Variants in DSC1 observed in about 807,000 individuals in gnomAD.
The protein encoded by DSC1 is desmocollin-1.
A neutral mutation model predicts 98.8 loss-of-function variants in DSC1; 79 were observed. The observed-to-expected ratio is 0.80, with a 90% CI of 0.67 to 0.96. The LOEUF (loss-of-function observed/expected upper bound fraction) is 0.96. Among genes scored for constraint, DSC1 ranks in the 50% least tolerant of loss-of-function variants. The probability of loss-of-function intolerance (pLI) is 0.00; values close to 1 mark genes in which losing one functional copy is unlikely to be tolerated. For synonymous variants in DSC1, 405 were observed against 372.1 expected, an observed-to-expected ratio of 1.09 and a Z score of -1.02; for missense variants, 1,115 against 1,075.9, an observed-to-expected ratio of 1.04 and a Z score of -0.51.
chr18:31,143,193 A>G (rs1290403365), intron 8 of DSC1, among the ~76,000 whole-genome samples: 2 of 151,744 alleles, frequency 1.3e-5, no homozygotes, highest in African/African-American at 4.8e-5. Context: ...GGAAAAGTTT[A>G]CTCATGGTAC....
intron 7 of DSC1, 121 bp from the exon 8 acceptor site, chr18:31,143,912 ATATT>A (rs35474327): frequency 0.22 from 141,891 of 656,386 alleles, 21,091 homozygotes; most frequent in East Asian, 0.58. Context: ...TTTCTTTTAT[ATATT>A]TATTTATTTA....
chr18:31,133,394 C>T (rs1405221693), intron 13 of DSC1, among the ~76,000 whole-genome samples: 1 of 152,102 alleles, frequency 6.6e-6, no homozygotes, highest in Non-Finnish European at 1.5e-5. Flanking sequence ...TCCTCAGTGG[C>T]TCATATGACC....
intron 3 of DSC1, among the ~76,000 whole-genome samples, chr18:31,156,841 G>A (rs889027535): frequency 6.6e-6 from 1 of 152,132 alleles, no homozygotes; most frequent in Non-Finnish European, 1.5e-5. Context: ...AAGAAAATGA[G>A]CCTAGAGTTA....
At chr18:31,156,015 C>T (rs1989089917) in intron 4 of DSC1, 28 bp downstream of exon 4, 3 of 1,605,418 alleles carry the variant, frequency 1.9e-6, no homozygotes, top group South Asian at 1.1e-5. Flanking sequence ...AATTTGGACA[C>T]ATATAAAATC....
Position 31,131,851 on chromosome 18 carries a change from A to G in DSC1, c.2239-9T>C, listed in dbSNP as rs187950377. ...AGTCTAATATTTGCTTCCTAAAAGT[A>G]AAGTGAGAGTGATAAAGTGAATTTG... is the stretch of plus-strand genomic sequence containing the variant. On this transcript the variant is annotated splice_polypyrimidine_tract_variant and intron_variant, in intron 14 of 15. Transcript: ENST00000257198. 2 of 1,613,130 alleles carry G rather than the reference A, an allele frequency of 1.2e-6. No individual in the cohort carries two copies. Among genetic ancestry groups the G allele is most frequent in the East Asian group, 4.5e-5 (2 of 44,870 alleles).
intron 15 of DSC1, 134 bp from the exon 16 acceptor site, chr18:31,130,845 A>G (rs1354696845): frequency 3.1e-6 from 5 of 1,608,772 alleles, no homozygotes; most frequent in Non-Finnish European, 4.2e-6. Flanking sequence ...ATTCCTATAT[A>G]TAAAAAATGC....
chr18:31,132,287 G>A, intron 14 of DSC1: 1 of 355,056 alleles, frequency 2.8e-6, no homozygotes, highest in East Asian at 6.1e-5. Flanking sequence ...AGTTCCTTCA[G>A]AGGGAGCACG....
At chr18:31,144,583 T>C (rs995080708) in intron 7 of DSC1, among the ~76,000 whole-genome samples, 2 of 152,116 alleles carry the variant, frequency 1.3e-5, no homozygotes, top group African/African-American at 4.8e-5. Context: ...AAAATATCAG[T>C]GGTTGCCAGG....
intron 13 of DSC1, 130 bp from the exon 14 acceptor site, chr18:31,132,819 A>G: frequency 1.3e-6 from 1 of 775,246 alleles, no homozygotes. Flanking sequence ...CACAAGATTT[A>G]AAAACAGAAT....
Position 31,162,566 on chromosome 18 carries a change from C to T in DSC1, c.29G>A (p.Ser10Asn), listed in dbSNP as rs527394831. MALASAAPG[S>N]IFCKQLLFSL... ...GAAAAGGAGCTGCTTACAGAAGATG[C>T]TCCCTGGGGCAGCAGAGGCCAGAGC... The change falls in exon 1 of 16, where the codon AGC becomes AAC. Residue 10 changes from serine to asparagine, a missense_variant. By Grantham distance (46) the Ser-to-Asn change is conservative. Transcript: ENST00000257198. The T allele has an allele frequency of 1.2e-5, 20 of 1,614,166 alleles. No homozygotes were observed. Among genetic ancestry groups the T allele is most frequent in the Middle Eastern group, 1.6e-4 (1 of 6,062 alleles).
At chr18:31,137,018 A>G (rs1406982331) in intron 11 of DSC1, among the ~76,000 whole-genome samples, 1 of 152,214 alleles carries the variant, frequency 6.6e-6, no homozygotes, top group Non-Finnish European at 1.5e-5. Flanking sequence ...TCACAGAGCT[A>G]GAAAGTACAT....
At chr18:31,133,626 A>T (rs116149417) in intron 13 of DSC1, among the ~76,000 whole-genome samples, 1,697 of 152,220 alleles carry the variant, frequency 0.011, 42 homozygotes, top group African/African-American at 0.038. Context: ...TGGAAAAATG[A>T]GTTCAAAAAG....
chr18:31,130,423 A>G lies in DSC1; in HGVS notation c.*91T>C. 6.8e-7 allele frequency: 1 copy of G among 1,460,456 alleles called. No individual in the cohort carries two copies. The highest frequency in any genetic ancestry group is 2.3e-5 in the East Asian group (1 of 44,000). 90.5% of individuals were successfully genotyped at this position (1,460,456 alleles called of 1,614,324 possible). On this transcript the variant is annotated 3_prime_UTR_variant, in exon 16 of 16. Transcript: ENST00000257198. ...TATACATGACAAAGTTTACCTCCAT[A>G]AACAAAAACATTAGCAGATGCTGCT...
intron 5 of DSC1, chr18:31,150,831 C>G (rs957364393): frequency 6.6e-6 from 1 of 152,198 alleles, no homozygotes. Flanking sequence ...AAGACTGAGA[C>G]TTACTGATAC....
intron 6 of DSC1, among the ~76,000 whole-genome samples, chr18:31,146,740 G>T (rs1395586078): frequency 2.0e-5 from 3 of 152,118 alleles, no homozygotes; most frequent in Non-Finnish European, 4.4e-5. Context: ...TTTTGAATGG[G>T]ACCTTCTCTG....
chr18:31,152,175 A>C (rs537941557), intron 5 of DSC1, among the ~76,000 whole-genome samples: 14 of 152,032 alleles, frequency 9.2e-5, no homozygotes, highest in Admixed American at 2.6e-4. Context: ...AAAACAACAA[A>C]AAAAAACAAG....
chr18:31,138,071 A>T (rs1397867768), intron 11 of DSC1, among the ~76,000 whole-genome samples: 1 of 151,658 alleles, frequency 6.6e-6, no homozygotes, highest in Non-Finnish European at 1.5e-5. Flanking sequence ...TAAAATGTGT[A>T]ACATCCTTAT....
rs746804806 is a variant in DSC1, at chr18:31,139,917, G to A, written c.1521-27C>T. On this transcript the variant is annotated intron_variant, in intron 10 of 15. Transcript: ENST00000257198. ...TAATTTTTAGAAATCAAATATGAAC[G>A]GTCAAATCAAAGAAGGGACATGATC... is the stretch of plus-strand genomic sequence containing the variant. 22 of 1,579,150 alleles carry A rather than the reference G, an allele frequency of 1.4e-5. No individual in the cohort carries two copies. The East Asian group carries it at 2.0e-4, about 14-fold the overall frequency.
chr18:31,154,532 C>A (rs1441401233), intron 5 of DSC1, among the ~76,000 whole-genome samples: 1 of 151,936 alleles, frequency 6.6e-6, no homozygotes, highest in Non-Finnish European at 1.5e-5. Flanking sequence ...GATTACAGAC[C>A]AAAATATATC....
Sources: allele counts gnomAD v4.1 joint callset (sites outside exome capture counted in the v4.1 genomes callset), GRCh38; gene constraint gnomAD v4.1.1; transcripts MANE v1.5; gene names NCBI Gene and HGNC (gene_info 2026-07-23, HGNC 2026-07-21).